Variants in TRPM3 observed in about 807,000 individuals in gnomAD.
TRPM3 encodes the protein transient receptor potential cation channel subfamily M member 3.
Under a neutral mutation model 181.2 loss-of-function variants are expected in TRPM3, and 77 were observed. The ratio of observed to expected loss-of-function variants is 0.42; its 90% CI spans 0.35 to 0.51. The LOEUF (loss-of-function observed/expected upper bound fraction) is 0.51. Ranked by LOEUF, TRPM3 falls within the 20% of genes least tolerant of loss-of-function variation. The pLI is 0.01. For synonymous variants in TRPM3, 745 were observed against 796.4 expected, an observed-to-expected ratio of 0.94 and a Z score of 1.09; for missense variants, 1,759 against 2,196.7, an observed-to-expected ratio of 0.80 and a Z score of 3.98.
chr9:71,035,011 T>C (rs2058022537), intron 1 of TRPM3, among the ~76,000 whole-genome samples: 1 of 152,152 alleles, frequency 6.6e-6, no homozygotes, highest in Admixed American at 6.5e-5. Flanking sequence ...CTCGAGCTTA[T>C]TCCTTGTTTA....
At chr9:71,021,638 T>C (rs1409953393) in intron 1 of TRPM3, among the ~76,000 whole-genome samples, 2 of 152,102 alleles carry the variant, frequency 1.3e-5, no homozygotes, top group African/African-American at 4.8e-5. Flanking sequence ...TACAAAACAA[T>C]GTAAATGTTG....
intron 1 of TRPM3, among the ~76,000 whole-genome samples, chr9:71,375,834 A>G (rs914503289): frequency 6.6e-6 from 1 of 152,152 alleles, no homozygotes; most frequent in Non-Finnish European, 1.5e-5. Flanking sequence ...AGCATTTTTT[A>G]GCAATAAAGT....
upstream of TRPM3, among the ~76,000 whole-genome samples, chr9:71,123,187 A>T (rs1012535460): frequency 1.3e-5 from 2 of 152,234 alleles, no homozygotes; most frequent in African/African-American, 4.8e-5. Context: ...CTTCAGGAAT[A>T]AAACCACTGC....
chr9:70,637,143 T>C (rs2057345667), intron 11 of TRPM3, among the ~76,000 whole-genome samples: 1 of 151,996 alleles, frequency 6.6e-6, no homozygotes, highest in Non-Finnish European at 1.5e-5. Flanking sequence ...GGAGTCAGAG[T>C]GCCTGGCTCT....
At chr9:70,755,887 C>T (rs1327380176) in intron 8 of TRPM3, among the ~76,000 whole-genome samples, 2 of 152,056 alleles carry the variant, frequency 1.3e-5, no homozygotes. Flanking sequence ...TTGTAAAGAC[C>T]TATTGACACT....
chr9:71,370,580 T>C (rs559998331), intron 1 of TRPM3, among the ~76,000 whole-genome samples: 1 of 152,344 alleles, frequency 6.6e-6, no homozygotes, highest in South Asian at 2.1e-4. Context: ...GTTAGGGAGA[T>C]GCAGAAGAAT....
At position 70,571,090 on chromosome 9, in the gene TRPM3, GAA is replaced by G. The variant is rs570849674; in HGVS notation, c.3224-17782_3224-17781del. Among the ~76,000 whole-genome samples the G allele has an allele frequency of 1.5e-3, 232 of 152,250 alleles. 1 individual carries two copies. The highest frequency in any genetic ancestry group is 5.3e-3 in the African/African-American group (219 of 41,552). ...TAGCATCTGTTTGGAGGCTTGACAG[GAA>G]AAGTCTCTCCTTTCTAGACTAATGA... On this transcript the variant is annotated intron_variant, in intron 22 of 25. Coordinates refer to ENST00000677713, the MANE Select transcript of TRPM3 (RefSeq NM_001366145.2).
At chr9:71,285,303 T>G (rs1024785966) in intron 1 of TRPM3, among the ~76,000 whole-genome samples, 8 of 152,220 alleles carry the variant, frequency 5.3e-5, no homozygotes, top group African/African-American at 1.9e-4. Flanking sequence ...CTGTTCAAAT[T>G]ACCTGCATTC....
intron 6 of TRPM3, among the ~76,000 whole-genome samples, chr9:70,796,407 T>C (rs1388898774): frequency 6.6e-6 from 1 of 152,230 alleles, no homozygotes; most frequent in Non-Finnish European, 1.5e-5. Context: ...TTGTACCTAC[T>C]GAAAGAGACA....
chr9:70,813,333 A>C (rs1280621614), intron 6 of TRPM3, among the ~76,000 whole-genome samples: 1 of 152,252 alleles, frequency 6.6e-6, no homozygotes, highest in Non-Finnish European at 1.5e-5. Context: ...GCAGCCATAA[A>C]AAAGAATAAA....
intron 1 of TRPM3, among the ~76,000 whole-genome samples, chr9:71,390,834 A>G (rs1214458808): frequency 1.3e-5 from 2 of 152,122 alleles, no homozygotes; most frequent in East Asian, 1.9e-4. Context: ...TTACTTTTCC[A>G]TTGCAATTGT....
chr9:71,136,700 C>CAGT (rs1383679331), intron 1 of TRPM3, among the ~76,000 whole-genome samples: 1 of 152,102 alleles, frequency 6.6e-6, no homozygotes, highest in East Asian at 1.9e-4. Flanking sequence ...GGCACAGGAA[C>CAGT]AGTAGCCTCA....
At chr9:71,093,787 CAT>C (rs1418913794) in intron 1 of TRPM3, among the ~76,000 whole-genome samples, 4 of 152,098 alleles carry the variant, frequency 2.6e-5, no homozygotes, top group East Asian at 1.9e-4. Context: ...CACATACACA[CAT>C]ATGTTTGTTG....
chr9:71,410,087 T>A (rs887683090), intron 1 of TRPM3, among the ~76,000 whole-genome samples: 11 of 152,054 alleles, frequency 7.2e-5, no homozygotes, highest in African/African-American at 2.7e-4. Context: ...CATACCACAA[T>A]CTCTGGGACA....
chr9:70,989,546 G>A lies in TRPM3; in HGVS notation c.178-125035C>T, dbSNP rs144870503. ...CCCTTATTACTGTTGTTGACTTTTC[G>A]TTTTCTTAGTCCTTCTGTAGGGTTT... On this transcript the variant is annotated intron_variant, in intron 1 of 25. Transcript: ENST00000677713. Among the ~76,000 whole-genome samples, 68 of 152,222 alleles carry A rather than the reference G, an allele frequency of 4.5e-4. 1 individual carries two copies. Among genetic ancestry groups the A allele is most frequent in the African/African-American group, 1.2e-3 (50 of 41,552 alleles).
chr9:71,398,211 T>C (rs1003883315), intron 1 of TRPM3, among the ~76,000 whole-genome samples: 1 of 152,190 alleles, frequency 6.6e-6, no homozygotes, highest in Non-Finnish European at 1.5e-5. Flanking sequence ...TGAAAAGATA[T>C]TTTTTAGGCC....
intron 1 of TRPM3, among the ~76,000 whole-genome samples, chr9:71,005,480 A>G (rs2097663790): frequency 6.6e-6 from 1 of 152,180 alleles, no homozygotes; most frequent in African/African-American, 2.4e-5. Flanking sequence ...GAAGCACATC[A>G]CCATCAAATT....
intron 1 of TRPM3, among the ~76,000 whole-genome samples, chr9:71,318,509 A>G (rs1174481350): frequency 1.3e-5 from 2 of 152,164 alleles, no homozygotes; most frequent in Non-Finnish European, 2.9e-5. Flanking sequence ...GTATTTTTAA[A>G]TTTTTAAGAA....
intron 1 of TRPM3, among the ~76,000 whole-genome samples, chr9:71,415,527 T>A (rs1166226982): frequency 6.6e-6 from 1 of 152,036 alleles, no homozygotes; most frequent in Admixed American, 6.6e-5. Flanking sequence ...GTACGCTGGG[T>A]GACACTAAGA....
Sources: gnomAD v4.1 joint callset for allele counts (sites outside exome capture counted in the v4.1 genomes callset) on GRCh38, gnomAD v4.1.1 for gene constraint, MANE v1.5 for transcripts, NCBI Gene and HGNC (gene_info 2026-07-23, HGNC 2026-07-21) for gene names.